Variants in TRHDE observed in about 807,000 individuals in gnomAD.
TRHDE encodes the protein thyrotropin releasing hormone degrading enzyme, also known as thyrotropin-releasing hormone-degrading ectoenzyme.
TRHDE carries 72 observed loss-of-function variants against 125.7 expected under a neutral mutation model. That is an observed-to-expected ratio of 0.57 (90% CI 0.47 to 0.70). The LOEUF (loss-of-function observed/expected upper bound fraction) is 0.70, where lower values mean the gene tolerates loss of function less well. TRHDE is among the 30% of genes least tolerant of loss of function. The pLI is 0.00. For missense variants in TRHDE, 1,110 were observed against 1,327.1 expected (o/e 0.84, Z 2.54); for synonymous variants, 509 against 509.1 (o/e 1.00, Z 0.00).
chr12:72,303,647 C>A (rs1868294806), intron 2 of TRHDE, among the ~76,000 whole-genome samples: 1 of 152,082 alleles, frequency 6.6e-6, no homozygotes, highest in Non-Finnish European at 1.5e-5. Flanking sequence ...TAAAATTTTT[C>A]TTCCCATGCC....
chr12:72,407,528 G>T (rs2135810085), intron 3 of TRHDE, among the ~76,000 whole-genome samples: 1 of 152,166 alleles, frequency 6.6e-6, no homozygotes, highest in South Asian at 2.1e-4. Flanking sequence ...AGGTCATTTG[G>T]GTCAACATTT....
intron 2 of TRHDE, among the ~76,000 whole-genome samples, chr12:72,343,002 C>A (rs1280852880): frequency 6.6e-6 from 1 of 152,118 alleles, no homozygotes; most frequent in Non-Finnish European, 1.5e-5. Flanking sequence ...CATCGTGTAA[C>A]TAAGCAAACT....
chr12:72,372,336 A>G (rs1379330733), intron 2 of TRHDE, among the ~76,000 whole-genome samples: 6 of 151,788 alleles, frequency 4.0e-5, no homozygotes, highest in Admixed American at 2.0e-4. Context: ...CCCATTTTGT[A>G]GGTTGCCTGT....
At chr12:72,616,628 A>G (rs1225552432) in intron 12 of TRHDE, among the ~76,000 whole-genome samples, 3 of 152,174 alleles carry the variant, frequency 2.0e-5, no homozygotes, top group Non-Finnish European at 4.4e-5. Context: ...TAGAGATGAA[A>G]TAAAACACAA....
In TRHDE at chr12:72,508,278, G is replaced by A. The variant is rs568745349; in HGVS notation, c.1722+8643G>A. Among the ~76,000 whole-genome samples, 16 of 152,314 alleles carry A rather than the reference G, an allele frequency of 1.1e-4. No individual in the cohort carries two copies. The East Asian group carries it at 1.4e-3, about 13-fold the overall frequency. The stretch of plus-strand genomic sequence containing the variant: ...TATAGATCCATTAACAGCTTGCAGC[G>A]TGTACCTAGAAAGCCACAAACACTC... On this transcript the variant is annotated intron_variant, in intron 6 of 18. Transcript: ENST00000261180.
chr12:72,582,716 C>A, intron 12 of TRHDE: 1 of 692,234 alleles, frequency 1.4e-6, no homozygotes, highest in Non-Finnish European at 1.8e-6. Context: ...GTGAGAAATA[C>A]TTTGGCAGAC....
chr12:72,272,044 C>G (rs1301716979), upstream of TRHDE: 1 of 457,402 alleles, frequency 2.2e-6, no homozygotes, highest in Admixed American at 2.3e-5. This position sits in a 1 kb window ranked among gnomAD's most constrained non-coding sequence, Gnocchi z 6.7. Flanking sequence ...TCTAGTCTCT[C>G]CCACCTCGGC....
intron 2 of TRHDE, among the ~76,000 whole-genome samples, chr12:72,295,188 C>G (rs1025641274): frequency 4.6e-5 from 7 of 151,284 alleles, no homozygotes; most frequent in Admixed American, 4.6e-4. Context: ...GGGCTCCTGC[C>G]TGCTCCAGGA....
At position 72,305,208 on chromosome 12, in the gene TRHDE, A is replaced by T. The variant is rs116055942; in HGVS notation, c.1188+18254A>T. On this transcript the variant is annotated intron_variant, in intron 2 of 18. Coordinates refer to ENST00000261180, the MANE Select transcript of TRHDE (RefSeq NM_013381.3). ...ATTAAAATCCCAACAGTAACAGCAA[A>T]CAACTCTGACAAAGTTAGAAAGATG... 2.3e-3 allele frequency among the ~76,000 whole-genome samples: 347 copies of T among 152,336 alleles called. 2 individuals carry two copies. Among genetic ancestry groups the T allele is most frequent in the African/African-American group, 8.0e-3 (331 of 41,576 alleles).
chr12:72,438,140 T>C (rs1000345921), intron 3 of TRHDE, among the ~76,000 whole-genome samples: 1 of 151,868 alleles, frequency 6.6e-6, no homozygotes, highest in Non-Finnish European at 1.5e-5. Context: ...TAGTATTTCA[T>C]TGTGTATATA....
At chr12:72,246,376 G>A in intron 2 of TRHDE, among the ~76,000 whole-genome samples, 1 of 152,124 alleles carries the variant, frequency 6.6e-6, no homozygotes, top group East Asian at 1.9e-4. Flanking sequence ...TTGAGTTTCA[G>A]TAACACTGAG....
chr12:72,472,602 A>G (rs552677328), intron 4 of TRHDE, among the ~76,000 whole-genome samples: 1 of 152,228 alleles, frequency 6.6e-6, no homozygotes, highest in South Asian at 2.1e-4. Flanking sequence ...CTACCTTTCA[A>G]GGAAGTATTT....
intron 2 of TRHDE, among the ~76,000 whole-genome samples, chr12:72,259,361 A>T (rs928123240): frequency 6.6e-6 from 1 of 152,002 alleles, no homozygotes; most frequent in Non-Finnish European, 1.5e-5. Flanking sequence ...TCATGTTCTC[A>T]TTGTTTTTCT....
At chr12:72,232,945 T>C (rs918673373) in intron 2 of TRHDE, among the ~76,000 whole-genome samples, 10 of 152,188 alleles carry the variant, frequency 6.6e-5, no homozygotes, top group Non-Finnish European at 8.8e-5. Context: ...ATAAGTGGAC[T>C]CCAAACTCTA....
At chr12:72,447,505 A>C (rs1424996115) in intron 3 of TRHDE, among the ~76,000 whole-genome samples, 1 of 152,076 alleles carries the variant, frequency 6.6e-6, no homozygotes, top group Non-Finnish European at 1.5e-5. Context: ...TTGAGTAGTA[A>C]GGTTCTAGAC....
At chr12:72,537,146 T>A (rs1565782359) in intron 6 of TRHDE, among the ~76,000 whole-genome samples, 1 of 152,102 alleles carries the variant, frequency 6.6e-6, no homozygotes, top group Non-Finnish European at 1.5e-5. Context: ...TCTGACCTGA[T>A]AAATAAAGAT....
intron 6 of TRHDE, among the ~76,000 whole-genome samples, chr12:72,524,957 A>G (rs964860863): frequency 6.6e-6 from 1 of 152,178 alleles, no homozygotes; most frequent in African/African-American, 2.4e-5. Context: ...TCATGTGGAA[A>G]GTATGCCTGA....
chr12:72,234,105 G>T (rs548634328), intron 2 of TRHDE, among the ~76,000 whole-genome samples: 5 of 152,120 alleles, frequency 3.3e-5, no homozygotes. Context: ...AAATTTTATT[G>T]TAAAGCTTGC....
intron 12 of TRHDE, among the ~76,000 whole-genome samples, chr12:72,585,521 T>G (rs1871404258): frequency 6.6e-6 from 1 of 152,220 alleles, no homozygotes; most frequent in Non-Finnish European, 1.5e-5. Context: ...CCGACCCCTT[T>G]CCTAGGCTGC....
Sources: gnomAD v4.1 joint callset for allele counts (sites outside exome capture counted in the v4.1 genomes callset) on GRCh38, gnomAD v4.1.1 for gene constraint, Gnocchi (gnomAD v3.1) non-coding constraint, MANE v1.5 for transcripts, NCBI Gene and HGNC (gene_info 2026-07-23, HGNC 2026-07-21) for gene names.